The following RNF145 variants were observed in gnomAD, a reference collection of about 807,000 sequenced individuals.
The protein encoded by RNF145 is ring finger protein 145.
A neutral mutation model predicts 57.3 loss-of-function variants in RNF145; 12 were observed. The observed-to-expected ratio is 0.21, with a 90% CI of 0.13 to 0.34. RNF145 has a LOEUF of 0.34. Ranked by LOEUF, RNF145 falls within the 10% of genes least tolerant of loss-of-function variation. RNF145 has a pLI of 1.00. For missense variants in RNF145, 429 were observed against 799.0 expected (o/e 0.54, Z 5.58); for synonymous variants, 262 against 288.3 (o/e 0.91, Z 0.92).
intron 1 of RNF145, chr5:159,207,571 G>T: frequency 6.3e-7 from 1 of 1,595,474 alleles, no homozygotes; most frequent in South Asian, 1.1e-5. Context: ...GCTGTCCATC[G>T]GTTAGGATGG....
chr5:159,208,641 G>A (rs1425071763), intron 1 of RNF145, among the ~76,000 whole-genome samples: 3 of 152,170 alleles, frequency 2.0e-5, no homozygotes, highest in Non-Finnish European at 1.5e-5. Context: ...CCACCTGAAA[G>A]CGGGGAGCTT....
At chr5:159,162,859 A>G in intron 9 of RNF145, 73 bp downstream of exon 9, 1 of 1,268,582 alleles carries the variant, frequency 7.9e-7, no homozygotes, top group Non-Finnish European at 1.1e-6. Context: ...ATCTTGAAAA[A>G]ATTTAATTCC....
intron 4 of RNF145, 91 bp downstream of exon 4, chr5:159,181,869 C>T (rs1046489829): frequency 2.2e-5 from 16 of 729,704 alleles, no homozygotes; most frequent in South Asian, 3.5e-5. Flanking sequence ...TTGAGAATTC[C>T]GTTTTAAAAA....
intron 5 of RNF145, among the ~76,000 whole-genome samples, chr5:159,174,457 G>C (rs1290901229): frequency 6.6e-6 from 1 of 152,084 alleles, no homozygotes; most frequent in Non-Finnish European, 1.5e-5. Flanking sequence ...AACCTTAAAA[G>C]GTAGTTTGAG....
At chr5:159,189,035 T>C (rs984513314) in intron 3 of RNF145, among the ~76,000 whole-genome samples, 1 of 152,214 alleles carries the variant, frequency 6.6e-6, no homozygotes, top group Non-Finnish European at 1.5e-5. Flanking sequence ...AGGAGCATAA[T>C]AAACTATGCC....
At chr5:159,207,961 T>G (rs1437617256) in intron 1 of RNF145, 2 of 1,597,422 alleles carry the variant, frequency 1.3e-6, no homozygotes, top group East Asian at 2.2e-5. Context: ...TGATTCAAGA[T>G]TCAGTAAAAC....
intron 5 of RNF145, among the ~76,000 whole-genome samples, chr5:159,175,160 T>G (rs965199673): frequency 3.3e-5 from 5 of 152,198 alleles, no homozygotes; most frequent in African/African-American, 1.2e-4. Flanking sequence ...TACAACCCAG[T>G]CTATTAACTT....
In RNF145 at chr5:159,168,646, T is replaced by C. The variant is rs548144084; in HGVS notation, c.1121+227A>G. On this transcript the variant is annotated intron_variant, in intron 8 of 10. Transcript: ENST00000424310. ...AGTTAACTTATAATTACATGGCCTT[T>C]GATGTCATTTTTAACTAAAAAATCT... Among the ~76,000 whole-genome samples, 29 of 152,284 alleles carry C rather than the reference T, an allele frequency of 1.9e-4. 1 individual carries two copies. In the East Asian group the frequency reaches 5.4e-3, roughly 28 times the overall value.
rs1784889964 is a variant in RNF145 at position 159,181,418 on chromosome 5, T to C, written c.385+542A>G. 2.0e-5 allele frequency among the ~76,000 whole-genome samples: 3 copies of C among 152,114 alleles called. No individual in the cohort carries two copies. In the South Asian group the frequency reaches 6.2e-4, roughly 31 times the overall value. Reference sequence around the variant, plus strand: ...TTTCAAAGTCACAAAACAGGTTTTCTCTTACTTCCTTTTTTGCATTTTGGC... The same window carrying C: ...TTTCAAAGTCACAAAACAGGTTTTCCCTTACTTCCTTTTTTGCATTTTGGC... On this transcript the variant is annotated intron_variant, in intron 4 of 10. Coordinates refer to ENST00000424310, the MANE Select transcript of RNF145 (RefSeq NM_001199383.2).
Position 159,209,366 on chromosome 5 carries a change from C to T in RNF145, c.-175G>A, listed in dbSNP as rs576000206. Reference sequence around the variant, plus strand: ...GGTACGGCACGGCTCACAGCGGCGGCTCTTCTGCGCCGAGCCTCGGATGTT... The same window carrying T: ...GGTACGGCACGGCTCACAGCGGCGGTTCTTCTGCGCCGAGCCTCGGATGTT... On this transcript the variant is annotated 5_prime_UTR_variant, in exon 1 of 11. Transcript: ENST00000424310. The T allele has an allele frequency of 2.1e-3, 2,084 of 985,978 alleles. 2 individuals are homozygous for T. The highest frequency in any genetic ancestry group is 2.4e-3 in the Non-Finnish European group (1,971 of 829,896). 61.1% of individuals were successfully genotyped at this position (985,978 alleles called of 1,614,324 possible).
rs370946043 is a variant in RNF145 at position 159,161,611 on chromosome 5, T to C, written c.1281A>G (p.Thr427=). 555 of 1,538,306 alleles carry C rather than the reference T, an allele frequency of 3.6e-4. 1 individual carries two copies. The highest frequency in any genetic ancestry group is 4.6e-4 in the Non-Finnish European group (526 of 1,149,630). ...SILTSLQVLG[T]LFIYVLFMVE... is the part of the protein sequence containing the mutation. ...CCATAAATAAGACATAAATAAAAAG[T>C]GTTCCCAGAACCTGAAAAAAAAAAA... The change falls in exon 10 of 11, where the codon ACA becomes ACG. Residue 427 remains threonine, a synonymous_variant. Transcript: ENST00000424310.
chr5:159,161,725 A>G (rs548256172), intron 9 of RNF145, 103 bp from the exon 10 acceptor site: 3 of 692,008 alleles, frequency 4.3e-6, no homozygotes, highest in East Asian at 2.6e-5. Flanking sequence ...TTAGGGTGCA[A>G]TATTTCAAAT....
At chr5:159,205,773 G>A (rs558415007) in intron 1 of RNF145, among the ~76,000 whole-genome samples, 1 of 152,264 alleles carries the variant, frequency 6.6e-6, no homozygotes, top group Admixed American at 6.5e-5. Context: ...TAACAAGAGA[G>A]GGAGGAGCTA....
At chr5:159,201,345 C>A (rs1785660179) in intron 2 of RNF145, among the ~76,000 whole-genome samples, 1 of 152,132 alleles carries the variant, frequency 6.6e-6, no homozygotes, top group Non-Finnish European at 1.5e-5. Flanking sequence ...AGTAACTTAG[C>A]CCCAGGTTAT....
At chr5:159,202,125 A>G (rs1584711473) in intron 2 of RNF145, among the ~76,000 whole-genome samples, 2 of 152,336 alleles carry the variant, frequency 1.3e-5, no homozygotes, top group South Asian at 2.1e-4. Flanking sequence ...ATGAACTTCA[A>G]TTGTACTCGA....
chr5:159,208,616 C>A (rs1785987075), intron 1 of RNF145, among the ~76,000 whole-genome samples: 1 of 152,138 alleles, frequency 6.6e-6, no homozygotes, highest in African/African-American at 2.4e-5. Context: ...TTCCGCACCC[C>A]CAAACAACCT....
intron 9 of RNF145, among the ~76,000 whole-genome samples, chr5:159,162,576 A>G (rs1784261938): frequency 1.3e-5 from 2 of 151,560 alleles, no homozygotes; most frequent in East Asian, 3.9e-4. Flanking sequence ...CTGGGACTAC[A>G]GGCGCCCGCC....
At chr5:159,191,837 A>G (rs1465335712) in intron 3 of RNF145, among the ~76,000 whole-genome samples, 1 of 152,210 alleles carries the variant, frequency 6.6e-6, no homozygotes, top group Admixed American at 6.5e-5. Context: ...AGAAAAAGTC[A>G]TTTTCATAAA....
intron 3 of RNF145, among the ~76,000 whole-genome samples, chr5:159,188,538 G>C (rs1048800341): frequency 3.9e-5 from 6 of 152,000 alleles, no homozygotes; most frequent in Middle Eastern, 3.2e-3. Flanking sequence ...TTCCCCCTTA[G>C]TTTTGGATAG....
Sources: allele counts gnomAD v4.1 joint callset (sites outside exome capture counted in the v4.1 genomes callset), GRCh38; gene constraint gnomAD v4.1.1; transcripts MANE v1.5; gene names NCBI Gene and HGNC (gene_info 2026-07-23, HGNC 2026-07-21).